RDH11: variants seen among roughly 807,000 people sequenced by gnomAD.
RDH11 encodes retinol dehydrogenase 11, also known as HCV core-binding protein HCBP12.
In RDH11, 19 loss-of-function variants were observed where a neutral mutation model predicts 33.4. The observed-to-expected ratio is 0.57, with a 90% CI of 0.40 to 0.83. The LOEUF (loss-of-function observed/expected upper bound fraction) is 0.83. Among genes scored for constraint, RDH11 ranks in the 40% least tolerant of loss-of-function variants. RDH11 has a pLI of 0.00. For missense variants in RDH11, 353 were observed against 389.0 expected (o/e 0.91, Z 0.78); for synonymous variants, 154 against 155.3 (o/e 0.99, Z 0.06).
chr14:67,683,283 AT>A (rs961791529), intron 6 of RDH11, among the ~76,000 whole-genome samples: 101 of 148,728 alleles, frequency 6.8e-4, no homozygotes, highest in African/African-American at 1.6e-3. Flanking sequence ...ATAAAGGGTT[AT>A]TTTTTTTTTT....
chr14:67,688,187 A>G (rs917358815), intron 5 of RDH11, among the ~76,000 whole-genome samples: 1 of 152,182 alleles, frequency 6.6e-6, no homozygotes, highest in Non-Finnish European at 1.5e-5. Context: ...CAGACTGAAT[A>G]AGGTCCCCCC....
chr14:67,692,644 C>T (rs2037765843), intron 2 of RDH11, 51 bp from the exon 3 acceptor site: 2 of 1,504,776 alleles, frequency 1.3e-6, no homozygotes, highest in Admixed American at 2.4e-5. Flanking sequence ...TTTGAGCTGG[C>T]ATTATAAATC....
intron 2 of RDH11, 129 bp downstream of exon 2, chr14:67,692,805 C>G (rs142504098): frequency 2.3e-5 from 20 of 876,666 alleles, no homozygotes; most frequent in Admixed American, 9.1e-5. Context: ...AGTTTCAGAT[C>G]AGCAAATCAG....
rs555205703 is a variant in RDH11 at position 67,678,885 on chromosome 14, T to C, written c.855-462A>G. On this transcript the variant is annotated intron_variant, in intron 6 of 6. Coordinates refer to ENST00000381346, the MANE Select transcript of RDH11 (RefSeq NM_016026.4). The stretch of plus-strand genomic sequence containing the variant: ...ATTTCTGGACTCCTTGAAGTTATAC[T>C]GTTAGTAAACTCATATGAGAAGTAA... 5.3e-5 allele frequency among the ~76,000 whole-genome samples: 8 copies of C among 151,442 alleles called. No homozygotes were observed. The South Asian group carries it at 1.5e-3, about 28-fold the overall frequency.
intron 5 of RDH11, among the ~76,000 whole-genome samples, chr14:67,688,139 T>A (rs937134805): frequency 1.3e-5 from 2 of 152,164 alleles, no homozygotes; most frequent in Non-Finnish European, 2.9e-5. Context: ...GGGCTCAGCA[T>A]GCAACTCACT....
chr14:67,690,277 A>T lies in RDH11; in HGVS notation c.599T>A (p.Leu200Gln), dbSNP rs981198822. 1 of 1,614,054 alleles carries T rather than the reference A, an allele frequency of 6.2e-7. No homozygotes were observed. Among genetic ancestry groups the T allele is most frequent in the Non-Finnish European group, 8.5e-7 (1 of 1,180,034 alleles). ...GGCTAGCTTGCTGTGACAGTAGGCCAGGCCTGCATTGTAGAATTTCTCGCC... is the reference window on the plus strand; with the variant it reads ...GGCTAGCTTGCTGTGACAGTAGGCCTGGCCTGCATTGTAGAATTTCTCGCC... Reference protein sequence around the residue: ...LQGEKFYNAGLAYCHSKLANI... With the variant: ...LQGEKFYNAGQAYCHSKLANI... Residue 200 changes from leucine (L) to glutamine (Q), a missense_variant, in exon 5 of 7, where the codon CTG becomes CAG. By Grantham distance (113) the Leu-to-Gln change is moderately radical. Transcript: ENST00000381346.
intron 6 of RDH11, among the ~76,000 whole-genome samples, chr14:67,681,242 T>C (rs1157266342): frequency 1.3e-5 from 2 of 152,210 alleles, no homozygotes; most frequent in East Asian, 3.8e-4. Flanking sequence ...AAGGCAGGCC[T>C]CACCAGAGAC....
intron 6 of RDH11, among the ~76,000 whole-genome samples, 196 bp from the exon 7 acceptor site, chr14:67,678,619 C>G (rs759543020): frequency 6.6e-6 from 1 of 152,194 alleles, no homozygotes; most frequent in African/African-American, 2.4e-5. Flanking sequence ...TAGATCTCCT[C>G]GCTAGACCAC....
At chr14:67,690,624 C>T (rs552588317) in intron 4 of RDH11, 24 of 566,338 alleles carry the variant, frequency 4.2e-5, no homozygotes, top group African/African-American at 1.1e-4. Flanking sequence ...CTTATATGAG[C>T]GAGATAGGTC....
At position 67,678,201 on chromosome 14, in the gene RDH11, G is replaced by C; in HGVS notation, c.*120C>G. On this transcript the variant is annotated 3_prime_UTR_variant, in exon 7 of 7. Transcript: ENST00000381346. ...TTTAACTGGACACCAAGCAGGCAAG[G>C]CTGGAAGGTTTTGCTCTCTTTGTGC... The C allele has an allele frequency of 3.0e-6, 2 of 671,584 alleles. No homozygotes were observed. Among genetic ancestry groups the C allele is most frequent in the Non-Finnish European group, 2.7e-6 (1 of 375,040 alleles). 41.6% of individuals were successfully genotyped at this position (671,584 alleles called of 1,614,324 possible). A position where few individuals can be genotyped will look rare whatever the true frequency, so the allele number is the denominator to read the frequency against.
At position 67,677,953 on chromosome 14, in the gene RDH11, A is replaced by T. The variant is rs2037564625; in HGVS notation, c.*368T>A. ...AGTGAAGACTGGTTGGTTGGGAGGA[A>T]CTGAATTGTGAACAAAGAAGCTAGT... On this transcript the variant is annotated 3_prime_UTR_variant, in exon 7 of 7. Transcript: ENST00000381346. 6.1e-6 allele frequency: 1 copy of T among 163,778 alleles called. No individual in the cohort carries two copies. The highest frequency in any genetic ancestry group is 6.2e-5 in the Admixed American group (1 of 16,148). 10.1% of individuals were successfully genotyped at this position (163,778 alleles called of 1,614,324 possible).
intron 6 of RDH11, among the ~76,000 whole-genome samples, chr14:67,679,833 AT>A (rs2037592630): frequency 6.6e-6 from 1 of 152,246 alleles, no homozygotes; most frequent in Non-Finnish European, 1.5e-5. Context: ...TTTAAAAAAA[AT>A]GATTGAATGT....
chr14:67,678,241 A>C lies in RDH11; in HGVS notation c.*80T>G, dbSNP rs1193247891. 1.0e-6 allele frequency: 1 copy of C among 970,200 alleles called. No homozygotes were observed. The highest frequency in any genetic ancestry group is 2.4e-5 in the East Asian group (1 of 41,120). 60.1% of individuals were successfully genotyped at this position (970,200 alleles called of 1,614,324 possible). A position where few individuals can be genotyped will look rare whatever the true frequency, so the allele number is the denominator to read the frequency against. On this transcript the variant is annotated 3_prime_UTR_variant, in exon 7 of 7. Coordinates refer to ENST00000381346, the MANE Select transcript of RDH11 (RefSeq NM_016026.4). ...TCTCTTTGTGCTAAAGGTTTTGAAA[A>C]CCTTGAAGGAGAATCATTTTGACAA...
intron 1 of RDH11, among the ~76,000 whole-genome samples, chr14:67,695,129 A>T (rs2037813570): frequency 6.6e-6 from 1 of 152,120 alleles, no homozygotes; most frequent in Non-Finnish European, 1.5e-5. Flanking sequence ...CTCCTTTACA[A>T]CATCCGCCCA....
rs1231185535 is a variant in RDH11 at position 67,678,434 on chromosome 14, A to C, written c.855-11T>G. The C allele has an allele frequency of 1.3e-6, 2 of 1,580,578 alleles. No homozygotes were observed. The highest frequency in any genetic ancestry group is 2.2e-5 in the East Asian group (1 of 44,722). ...GCCACATGACAGTCACTGGAAGGTA[A>C]AGAGAAAGGTATGAAGCACAGTGTT... On this transcript the variant is annotated splice_polypyrimidine_tract_variant and intron_variant, in intron 6 of 6. Coordinates refer to ENST00000381346, the MANE Select transcript of RDH11 (RefSeq NM_016026.4).
chr14:67,692,915 T>C lies in RDH11; in HGVS notation c.193+19A>G. On this transcript the variant is annotated intron_variant, in intron 2 of 6. Transcript: ENST00000381346. ...TAAAACAGCAGTAATAGGAGGGAATTGAAAGGAGGTGAACTTGCCTCTCTG... is the reference window on the plus strand; with the variant it reads ...TAAAACAGCAGTAATAGGAGGGAATCGAAAGGAGGTGAACTTGCCTCTCTG... 1 of 1,479,556 alleles carries C rather than the reference T, an allele frequency of 6.8e-7. No individual in the cohort carries two copies. Among genetic ancestry groups the C allele is most frequent in the Non-Finnish European group, 9.4e-7 (1 of 1,059,312 alleles). 91.7% of individuals were successfully genotyped at this position (1,479,556 alleles called of 1,614,324 possible). A position where few individuals can be genotyped will look rare whatever the true frequency, so the allele number is the denominator to read the frequency against.
At chr14:67,688,373 G>C (rs977151205) in intron 5 of RDH11, among the ~76,000 whole-genome samples, 1 of 152,124 alleles carries the variant, frequency 6.6e-6, no homozygotes, top group Non-Finnish European at 1.5e-5. Flanking sequence ...TACAATTAAG[G>C]GGTAAATCCA....
chr14:67,690,750 G>A, intron 4 of RDH11: 1 of 392,274 alleles, frequency 2.5e-6, no homozygotes, highest in Non-Finnish European at 4.7e-6. Flanking sequence ...TAAAGAGGCT[G>A]AGGCAGGAAG....
intron 6 of RDH11, among the ~76,000 whole-genome samples, chr14:67,680,193 G>C (rs772325341): frequency 2.0e-5 from 3 of 152,134 alleles, no homozygotes; most frequent in Non-Finnish European, 4.4e-5. Context: ...TCAAAATATC[G>C]TCACGTTTAC....
Sources: allele counts gnomAD v4.1 joint callset (sites outside exome capture counted in the v4.1 genomes callset), GRCh38; gene constraint gnomAD v4.1.1; transcripts MANE v1.5; gene names NCBI Gene and HGNC (gene_info 2026-07-23, HGNC 2026-07-21).